Variants in GSE1 observed in about 807,000 individuals in gnomAD.
The protein encoded by GSE1 is Gse1 coiled-coil protein.
In GSE1, 32 loss-of-function variants were observed where a neutral mutation model predicts 112.6. The ratio of observed to expected loss-of-function variants is 0.28; its 90% CI spans 0.21 to 0.38. The LOEUF is 0.38. Ranked by LOEUF, GSE1 falls within the 10% of genes least tolerant of loss-of-function variation. The probability of loss-of-function intolerance (pLI) is 1.00; values close to 1 mark genes in which losing one functional copy is unlikely to be tolerated. For missense variants in GSE1, 2,348 were observed against 1,699.2 expected, an observed-to-expected ratio of 1.38 and a Z score of -6.71; for synonymous variants, 1,115 against 735.6, an observed-to-expected ratio of 1.52 and a Z score of -8.35.
chr16:85,442,626 TA>T (rs1181680249), intron 2 of GSE1, among the ~76,000 whole-genome samples: 2 of 152,156 alleles, frequency 1.3e-5, no homozygotes, highest in African/African-American at 4.8e-5. Flanking sequence ...TGACTGCTGT[TA>T]GATTTTGTGC....
intron 2 of GSE1, among the ~76,000 whole-genome samples, chr16:85,519,864 T>C (rs1245727379): frequency 6.6e-6 from 1 of 152,210 alleles, no homozygotes; most frequent in African/African-American, 2.4e-5. Flanking sequence ...CTGAGACTGG[T>C]GCTCTGGGAT....
rs543964219 is a variant in GSE1, at chr16:85,674,828, A to T, written c.*2289A>T. 1.3e-5 allele frequency: 2 copies of T among 152,694 alleles called. No homozygotes were observed. Among genetic ancestry groups the T allele is most frequent in the African/African-American group, 4.8e-5 (2 of 41,536 alleles). The allele number at this position is 152,694 out of a possible 1,614,324, so 9.5% of individuals were successfully genotyped here. On this transcript the variant is annotated 3_prime_UTR_variant, in exon 16 of 16. Coordinates refer to ENST00000253458, the MANE Select transcript of GSE1 (RefSeq NM_014615.5). ...AGTTGGCTTCTCCCCTGTCAGTGGA[A>T]ACCCCACTTCTGCCCGGCCCTTGAG...
At chr16:85,365,349 G>A (rs1475541506) in intron 2 of GSE1, among the ~76,000 whole-genome samples, 1 of 152,198 alleles carries the variant, frequency 6.6e-6, no homozygotes, top group Non-Finnish European at 1.5e-5. Flanking sequence ...CACTTCAGAC[G>A]CACCACTCCT....
At chr16:85,494,453 CTT>C (rs55779671) in intron 2 of GSE1, among the ~76,000 whole-genome samples, 2 of 142,908 alleles carry the variant, frequency 1.4e-5, no homozygotes, top group Non-Finnish European at 1.5e-5. Flanking sequence ...ATAAGGTCAC[CTT>C]TTTTTTTTTT....
chr16:85,589,537 ATTTG>A (rs1471725892), intron 1 of GSE1, among the ~76,000 whole-genome samples: 2 of 152,090 alleles, frequency 1.3e-5, no homozygotes, highest in Non-Finnish European at 2.9e-5. Context: ...GGTCCCTGGT[ATTTG>A]TTTACCAGCT....
chr16:85,382,501 G>T (rs34224800), intron 2 of GSE1, among the ~76,000 whole-genome samples: 44,835 of 152,076 alleles, frequency 0.29, 7,673 homozygotes, highest in East Asian at 0.46. Flanking sequence ...ACCCTGGGAA[G>T]ATGCACGTGG....
intron 2 of GSE1, among the ~76,000 whole-genome samples, chr16:85,427,276 G>T (rs1330827628): frequency 1.3e-5 from 2 of 152,216 alleles, no homozygotes; most frequent in African/African-American, 4.8e-5. Context: ...ACAAATGTGA[G>T]CCACGTGCTG....
At chr16:85,283,773 C>G (rs955221273) in intron 1 of GSE1, among the ~76,000 whole-genome samples, 2 of 152,244 alleles carry the variant, frequency 1.3e-5, no homozygotes, top group African/African-American at 2.4e-5. Flanking sequence ...AGCCCTCAAA[C>G]AGCCCCTAAG....
chr16:85,198,658 A>G (rs2074973116), intron 1 of GSE1, among the ~76,000 whole-genome samples: 1 of 152,112 alleles, frequency 6.6e-6, no homozygotes. Context: ...CTTTCTGCTG[A>G]GACTGCAATG....
At chr16:85,647,579 G>A (rs1176405562) in intron 2 of GSE1, among the ~76,000 whole-genome samples, 1 of 152,230 alleles carries the variant, frequency 6.6e-6, no homozygotes, top group South Asian at 2.1e-4. Context: ...CCCGTAGAGG[G>A]GTGCTGACCA....
rs1285190496 is a variant in GSE1 at position 85,478,927 on chromosome 16, C to CTTTCTTTTCTTTCTT, written c.2464+121285_2464+121286insTTCTTTTCTTTCTTT. 8.9e-4 allele frequency among the ~76,000 whole-genome samples: 25 copies of CTTTCTTTTCTTTCTT among 28,060 alleles called. 4 individuals carry two copies. The highest frequency in any genetic ancestry group is 3.8e-3 in the African/African-American group (25 of 6,534). The allele number at this position is 28,060 out of a possible 152,430, so 18.4% of individuals were successfully genotyped here. A position where few individuals can be genotyped will look rare whatever the true frequency, so the allele number is the denominator to read the frequency against. On this transcript the variant is annotated intron_variant, in intron 2 of 2. Transcript: ENST00000637419. ...TCTTTCTTTCTTTCTTTCTTTCTTT[C>CTTTCTTTTCTTTCTT]TCTTTCTTTCTTTCTTTCTTTTTTT...
In GSE1 at chr16:85,672,708, A is replaced by T; in HGVS notation, c.*169A>T. 2.2e-6 allele frequency: 1 copy of T among 449,154 alleles called. No homozygotes were observed. The highest frequency in any genetic ancestry group is 3.9e-6 in the Non-Finnish European group (1 of 256,848). The allele number at this position is 449,154 out of a possible 1,614,324, so 27.8% of individuals were successfully genotyped here. A position where few individuals can be genotyped will look rare whatever the true frequency, so the allele number is the denominator to read the frequency against. On this transcript the variant is annotated 3_prime_UTR_variant, in exon 16 of 16. Coordinates refer to ENST00000253458, the MANE Select transcript of GSE1 (RefSeq NM_014615.5). ...AGAAAAAATGAATGAACTCACCTTG[A>T]CGTCAATGCAATTGAATCACCGTTG...
At position 85,331,560 on chromosome 16, in the gene GSE1, T is replaced by C. The variant is rs868100588; in HGVS notation, c.2284-25903T>C. Among the ~76,000 whole-genome samples, 242 of 94,072 alleles carry C rather than the reference T, an allele frequency of 2.6e-3. 3 individuals carry two copies. The highest frequency in any genetic ancestry group is 4.6e-3 in the African/African-American group (98 of 21,318). The allele number at this position is 94,072 out of a possible 152,430, so 61.7% of individuals were successfully genotyped here. A position where few individuals can be genotyped will look rare whatever the true frequency, so the allele number is the denominator to read the frequency against. ...GTGTATATGTGTGTATATATGTGTATATGTGTATATATGTGTACATGTGTA... is the reference window on the plus strand; with the variant it reads ...GTGTATATGTGTGTATATATGTGTACATGTGTATATATGTGTACATGTGTA... On this transcript the variant is annotated intron_variant, in intron 1 of 2. Coordinates refer to the GSE1 transcript ENST00000637419.
chr16:85,557,884 A>G (rs1241190424), intron 1 of GSE1, among the ~76,000 whole-genome samples: 2 of 150,944 alleles, frequency 1.3e-5, no homozygotes, highest in African/African-American at 2.4e-5. Context: ...GACCAGGTCT[A>G]TGTTTTTTTC....
rs1159665909 is a variant in GSE1, at chr16:85,671,439, CAAAAAA to C, written c.3519+354_3519+359del. On this transcript the variant is annotated intron_variant, in intron 15 of 15. Coordinates refer to ENST00000253458, the MANE Select transcript of GSE1 (RefSeq NM_014615.5). Reference sequence around the variant, plus strand: ...TGGGCGACAGAGCGAGACTCCGTCTCAAAAAAAAAAAAAAAAAAGATCAAAATTTGG... The same window carrying C: ...TGGGCGACAGAGCGAGACTCCGTCTCAAAAAAAAAAAAGATCAAAATTTGG... Among the ~76,000 whole-genome samples the C allele has an allele frequency of 1.6e-4, 10 of 61,326 alleles. 1 individual carries two copies. In the South Asian group the frequency reaches 8.9e-3, roughly 55 times the overall value. The allele number at this position is 61,326 out of a possible 152,430, so 40.2% of individuals were successfully genotyped here.
chr16:85,654,209 C>T (rs532779384), intron 3 of GSE1, 69 bp from the exon 4 acceptor site: 2 of 1,427,580 alleles, frequency 1.4e-6, no homozygotes, highest in East Asian at 5.0e-5. Flanking sequence ...AGTCAGGAGA[C>T]CTGGCTGTGT....
At chr16:85,474,525 C>T (rs2050392912) in intron 2 of GSE1, among the ~76,000 whole-genome samples, 3 of 152,220 alleles carry the variant, frequency 2.0e-5, no homozygotes, top group Non-Finnish European at 1.5e-5. Flanking sequence ...ACAATTAAAC[C>T]CGGGTGCCTG....
At chr16:85,375,002 C>G (rs367994328) in intron 2 of GSE1, among the ~76,000 whole-genome samples, 2 of 152,200 alleles carry the variant, frequency 1.3e-5, no homozygotes, top group East Asian at 1.9e-4. Context: ...CCCCAGCGTT[C>G]TGGGTTTTGA....
At chr16:85,259,771 A>AC (rs1468159656) in intron 1 of GSE1, among the ~76,000 whole-genome samples, 10 of 151,926 alleles carry the variant, frequency 6.6e-5, no homozygotes, top group East Asian at 5.8e-4. Flanking sequence ...CTGTACTGGG[A>AC]CCCCCCACCC....
Sources: allele counts gnomAD v4.1 joint callset (sites outside exome capture counted in the v4.1 genomes callset), GRCh38; gene constraint gnomAD v4.1.1; transcripts MANE v1.5; gene names NCBI Gene and HGNC (gene_info 2026-07-23, HGNC 2026-07-21).